COL22A1: variants seen among roughly 807,000 people sequenced by gnomAD.
The protein encoded by COL22A1 is collagen type XXII alpha 1 chain.
COL22A1 carries 221 observed loss-of-function variants against 248.9 expected under a neutral mutation model. The observed-to-expected ratio is 0.89, with a 90% confidence interval of 0.80 to 0.99. The LOEUF is 0.99. Among genes scored for constraint, COL22A1 ranks in the 50% least tolerant of loss-of-function variants. The probability of loss-of-function intolerance (pLI) is 0.00; values close to 1 mark genes in which losing one functional copy is unlikely to be tolerated. For synonymous variants in COL22A1, 891 were observed against 793.4 expected, an observed-to-expected ratio of 1.12 and a Z score of -2.07; for missense variants, 2,240 against 2,179.0, an observed-to-expected ratio of 1.03 and a Z score of -0.56.
At position 138,802,931 on chromosome 8, in the gene COL22A1, C is replaced by G. The variant is rs141112517; in HGVS notation, c.1498G>C (p.Asp500His). 3,114 of 1,613,462 alleles carry G rather than the reference C, an allele frequency of 1.9e-3. 2 individuals carry two copies. Among genetic ancestry groups the G allele is most frequent in the Non-Finnish European group, 2.4e-3 (2,887 of 1,179,370 alleles). The change falls in exon 11 of 65, where the codon GAC (aspartate) becomes CAC (histidine). Residue 500 changes from aspartate to histidine, a missense_variant. By Grantham distance (81) the Asp-to-His change is moderately conservative (BLOSUM62 -1). Coordinates refer to ENST00000303045, the MANE Select transcript of COL22A1 (RefSeq NM_152888.3). ...CCAACCGGCCCAATGGCTCCTATGT[C>G]TCCCTGAGGGGTTGAGACCAGAGAC... is the stretch of plus-strand genomic sequence containing the variant. ...GPMGLPGPKGDIGAIGPVGAP... is the reference protein window; with the variant it reads ...GPMGLPGPKGHIGAIGPVGAP...
intron 51 of COL22A1, among the ~76,000 whole-genome samples, chr8:138,624,112 G>C (rs1820057208): frequency 6.6e-6 from 1 of 152,190 alleles, no homozygotes; most frequent in African/African-American, 2.4e-5. Flanking sequence ...GAACATGAGA[G>C]CCTGGTGTCT....
chr8:138,826,766 T>C lies in COL22A1; in HGVS notation c.861A>G (p.Gln287=), dbSNP rs757422659. Residue 287 remains glutamine (Q), a synonymous_variant, in exon 6 of 65, where the codon CAA becomes CAG. Transcript: ENST00000303045. ...CAAAGGCGTACTCATCAGGTAAACC[T>C]TGGGGGAACACATCCCTGGAGAAAA... is the stretch of plus-strand genomic sequence containing the variant. ...VVQSTEDVFP[Q]GLPDEYAFVT... 7 of 1,613,976 alleles carry C rather than the reference T, an allele frequency of 4.3e-6. No individual in the cohort carries two copies. The highest frequency in any genetic ancestry group is 1.6e-4 in the Middle Eastern group (1 of 6,084).
At chr8:138,796,389 CTTT>C (rs11284610) in intron 12 of COL22A1, among the ~76,000 whole-genome samples, 13 of 26,306 alleles carry the variant, frequency 4.9e-4, no homozygotes, top group African/African-American at 1.5e-3. Flanking sequence ...TGCTACTTTC[CTTT>C]TTTTTTTTTT....
At chr8:138,899,121 T>C (rs1278298496) in intron 1 of COL22A1, among the ~76,000 whole-genome samples, 2 of 152,192 alleles carry the variant, frequency 1.3e-5, no homozygotes, top group Non-Finnish European at 2.9e-5. Context: ...TTCTCTCTTC[T>C]TCTTCCTCTT....
rs1260966380 is a variant in COL22A1 at position 138,670,111 on chromosome 8, C to T, written c.3151-6371G>A. Among the ~76,000 whole-genome samples, 7 of 152,006 alleles carry T rather than the reference C, an allele frequency of 4.6e-5. No homozygotes were observed. In the East Asian group the frequency reaches 1.4e-3, roughly 29 times the overall value. On this transcript the variant is annotated intron_variant, in intron 41 of 64. Transcript: ENST00000303045. The stretch of plus-strand genomic sequence containing the variant: ...CATGTTAGCCGGGCTGGTCTTGAAC[C>T]CCTGACCTCAGGCAATTCACCTGCC...
chr8:138,658,085 G>A (rs943481269), intron 44 of COL22A1, among the ~76,000 whole-genome samples: 3 of 152,178 alleles, frequency 2.0e-5, no homozygotes, highest in Non-Finnish European at 4.4e-5. Flanking sequence ...AACCTAATCT[G>A]ACACAGAAGG....
intron 27 of COL22A1, among the ~76,000 whole-genome samples, chr8:138,717,360 G>A (rs1185739814): frequency 1.3e-5 from 2 of 152,090 alleles, no homozygotes; most frequent in Non-Finnish European, 2.9e-5. Context: ...TGTTAGCCAG[G>A]ATGGTCTTGA....
At chr8:138,763,142 T>C (rs573801356) in intron 16 of COL22A1, among the ~76,000 whole-genome samples, 65 of 152,290 alleles carry the variant, frequency 4.3e-4, no homozygotes, top group Admixed American at 1.8e-3. Context: ...ATCCCAGCAC[T>C]TTGGGGGGCT....
intron 22 of COL22A1, among the ~76,000 whole-genome samples, chr8:138,741,329 G>T (rs1159799102): frequency 6.6e-6 from 1 of 152,242 alleles, no homozygotes; most frequent in Non-Finnish European, 1.5e-5. Flanking sequence ...AATTGCCGGG[G>T]TGGGGTACAA....
At chr8:138,757,909 T>C (rs1833153817) in intron 18 of COL22A1, among the ~76,000 whole-genome samples, 1 of 152,198 alleles carries the variant, frequency 6.6e-6, no homozygotes, top group Non-Finnish European at 1.5e-5. Context: ...AGTCCCTGCT[T>C]CCTGCATGCA....
intron 47 of COL22A1, among the ~76,000 whole-genome samples, 198 bp downstream of exon 47, chr8:138,646,431 T>G (rs1822209947): frequency 6.6e-6 from 1 of 152,186 alleles, no homozygotes; most frequent in African/African-American, 2.4e-5. Flanking sequence ...TGTTTGTAAA[T>G]GAGCAACTGG....
At chr8:138,640,254 G>A (rs1821559360) in intron 47 of COL22A1, among the ~76,000 whole-genome samples, 1 of 152,084 alleles carries the variant, frequency 6.6e-6, no homozygotes, top group Non-Finnish European at 1.5e-5. Flanking sequence ...GAACCATCAT[G>A]TGCTAAGCAC....
chr8:138,761,789 C>G (rs927346167), intron 17 of COL22A1, among the ~76,000 whole-genome samples: 7 of 152,142 alleles, frequency 4.6e-5, no homozygotes, highest in Admixed American at 2.6e-4. Context: ...TGGTTCAAAA[C>G]TGAAGTGCAT....
intron 32 of COL22A1, among the ~76,000 whole-genome samples, chr8:138,695,391 A>T (rs1267013564): frequency 2.0e-5 from 3 of 151,730 alleles, no homozygotes; most frequent in Non-Finnish European, 4.4e-5. Flanking sequence ...ATGGGGTCTC[A>T]TTATACTGCC....
intron 29 of COL22A1, 45 bp from the exon 30 acceptor site, chr8:138,715,780 G>A (rs1829385486): frequency 7.2e-7 from 1 of 1,391,220 alleles, no homozygotes; most frequent in East Asian, 2.3e-5. Flanking sequence ...CCCAAACCGA[G>A]CTGAATTCCT....
chr8:138,614,263 CGGTGACCTGGAACCAT>C (rs1252308988), intron 55 of COL22A1, among the ~76,000 whole-genome samples: 1 of 152,178 alleles, frequency 6.6e-6, no homozygotes, highest in Non-Finnish European at 1.5e-5. Context: ...ATTCGCTAGA[CGGTGACCTGGAACCAT>C]TCATGTCTGA....
intron 4 of COL22A1, among the ~76,000 whole-genome samples, chr8:138,834,389 AT>A: frequency 6.6e-6 from 1 of 152,276 alleles, no homozygotes; most frequent in East Asian, 1.9e-4. Context: ...GACTAACATA[AT>A]GATTAAAGCC....
chr8:138,691,883 TATGTGTGGAG>T (rs1826981286), intron 35 of COL22A1, among the ~76,000 whole-genome samples: 9 of 134,520 alleles, frequency 6.7e-5, no homozygotes, highest in African/African-American at 2.2e-4. Flanking sequence ...TGTGGAGGTG[TATGTGTGGAG>T]GTGTATGTGT....
At chr8:138,816,667 T>C (rs936563159) in intron 7 of COL22A1, among the ~76,000 whole-genome samples, 8 of 152,300 alleles carry the variant, frequency 5.3e-5, no homozygotes. Flanking sequence ...TTCTGTGAGA[T>C]GGACTCACAG....
Sources: allele counts gnomAD v4.1 joint callset (sites outside exome capture counted in the v4.1 genomes callset), GRCh38; gene constraint gnomAD v4.1.1; transcripts MANE v1.5; gene names NCBI Gene and HGNC (gene_info 2026-07-23, HGNC 2026-07-21).